SPATS1: variants seen among roughly 807,000 people sequenced by gnomAD.
SPATS1 encodes spermatogenesis associated serine rich 1.
A neutral mutation model predicts 33.6 loss-of-function variants in SPATS1; 23 were observed. That is an observed-to-expected ratio of 0.68 (90% confidence interval 0.49 to 0.97). SPATS1 has a LOEUF of 0.97. SPATS1 is among the 50% of genes least tolerant of loss of function. The pLI is 0.00. For missense variants in SPATS1, 327 were observed against 361.0 expected (o/e 0.91, Z 0.76); for synonymous variants, 131 against 125.6 (o/e 1.04, Z -0.29).
intron 7 of SPATS1, among the ~76,000 whole-genome samples, chr6:44,370,979 G>GTTTTTTTTTTTTTTTTTTTT (rs532344535): frequency 7.1e-6 from 1 of 141,692 alleles, no homozygotes; most frequent in Non-Finnish European, 1.5e-5. Flanking sequence ...AAAAAGAAAG[G>GTTTTTTTTTTTTTTTTTTTT]TTTTTTTTTT....
intron 5 of SPATS1, among the ~76,000 whole-genome samples, chr6:44,363,704 CTCCT>C (rs1053351903): frequency 8.0e-6 from 1 of 125,218 alleles, no homozygotes; most frequent in African/African-American, 3.0e-5. Context: ...CCTTCCTTCC[CTCCT>C]TCCTTCCTTT....
chr6:44,346,004 G>A (rs1787856112), intron 2 of SPATS1, among the ~76,000 whole-genome samples: 1 of 152,122 alleles, frequency 6.6e-6, no homozygotes, highest in South Asian at 2.1e-4. Context: ...TTATTTGGAT[G>A]GGGCCACGTA....
intron 5 of SPATS1, 115 bp from the exon 6 acceptor site, chr6:44,368,264 T>C: frequency 1.9e-6 from 2 of 1,049,950 alleles, no homozygotes; most frequent in Non-Finnish European, 1.3e-6. Flanking sequence ...AACTTCTATG[T>C]AATTTATAAT....
At chr6:44,368,584 G>T in intron 6 of SPATS1, 85 bp downstream of exon 6, 1 of 1,297,102 alleles carries the variant, frequency 7.7e-7, no homozygotes, top group East Asian at 2.4e-5. Context: ...ATTTTAAAAG[G>T]GATAGATGTC....
chr6:44,352,539 T>G (rs1286024397), intron 2 of SPATS1, among the ~76,000 whole-genome samples, 187 bp from the exon 3 acceptor site: 3 of 152,200 alleles, frequency 2.0e-5, no homozygotes, highest in African/African-American at 7.2e-5. Context: ...AAGGAATACC[T>G]AAGCCTGTGG....
intron 2 of SPATS1, among the ~76,000 whole-genome samples, chr6:44,349,309 A>C (rs34822651): frequency 1.3e-5 from 2 of 150,238 alleles, no homozygotes; most frequent in East Asian, 3.9e-4. Context: ...AAAAAAAAAA[A>C]AAAGAAAGAA....
intron 3 of SPATS1, 44 bp downstream of exon 3, chr6:44,352,917 C>A: frequency 6.3e-7 from 1 of 1,597,272 alleles, no homozygotes; most frequent in South Asian, 1.1e-5. Flanking sequence ...TGGGGAGATT[C>A]TGACCAAGAA....
At position 44,379,095 on chromosome 6, in the gene SPATS1, C is replaced by T. The variant is rs1471279491; in HGVS notation, c.*2032C>T. The T allele has an allele frequency of 6.6e-6, 1 of 152,024 alleles. No homozygotes were observed. The highest frequency in any genetic ancestry group is 6.6e-5 in the Admixed American group (1 of 15,266). The allele number at this position is 152,024 out of a possible 1,614,324, so 9.4% of individuals were successfully genotyped here. ...TTAAATGTAAAAAAGTCTTCTTTCCCCTAGTCAAAAACAATGCCCCACCCC... is the reference window on the plus strand; with the variant it reads ...TTAAATGTAAAAAAGTCTTCTTTCCTCTAGTCAAAAACAATGCCCCACCCC... On this transcript the variant is annotated 3_prime_UTR_variant, in exon 9 of 9. Transcript: ENST00000674044.
chr6:44,368,437 C>T lies in SPATS1; in HGVS notation c.633C>T (p.Tyr211=), dbSNP rs754144613. ...KLTPGDNPYM[Y]PEQSKGFHKA... is the part of the protein sequence containing the mutation. ...CTCCAGGCGACAATCCATATATGTA[C>T]CCAGAACAGAGTAAAGGCTTCCACA... Residue 211 remains tyrosine, a synonymous_variant, in exon 6 of 9, where the codon TAC becomes TAT. Coordinates refer to ENST00000674044, the MANE Select transcript of SPATS1 (RefSeq NM_001372081.1). 1.2e-6 allele frequency: 2 copies of T among 1,613,582 alleles called. No individual in the cohort carries two copies. Among genetic ancestry groups the T allele is most frequent in the South Asian group, 1.1e-5 (1 of 91,032 alleles).
chr6:44,345,815 A>G (rs1404368551), intron 2 of SPATS1, among the ~76,000 whole-genome samples: 2 of 152,192 alleles, frequency 1.3e-5, no homozygotes, highest in African/African-American at 4.8e-5. Flanking sequence ...TATTGAGTCA[A>G]ATGACATGCA....
Position 44,371,231 on chromosome 6 carries a change from C to T in SPATS1, c.758+1118C>T, listed in dbSNP as rs563261430. 4.0e-5 allele frequency among the ~76,000 whole-genome samples: 6 copies of T among 150,410 alleles called. No individual in the cohort carries two copies. The East Asian group carries it at 7.9e-4, about 20-fold the overall frequency. On this transcript the variant is annotated intron_variant, in intron 7 of 8. Transcript: ENST00000674044. Reference sequence around the variant, plus strand: ...GGAGGGTTTCTTGAGTCTATGAGTTCGAGGCTGCAGTGAGCTACGATTGTG... The same window carrying T: ...GGAGGGTTTCTTGAGTCTATGAGTTTGAGGCTGCAGTGAGCTACGATTGTG...
At chr6:44,365,499 A>G (rs1342395332) in intron 5 of SPATS1, among the ~76,000 whole-genome samples, 1 of 152,234 alleles carries the variant, frequency 6.6e-6, no homozygotes, top group African/African-American at 2.4e-5. Context: ...TCTCCAGGAC[A>G]GCTCCTTTCC....
At chr6:44,343,005 G>T in intron 1 of SPATS1, 91 bp from the exon 2 acceptor site, 1 of 1,532,562 alleles carries the variant, frequency 6.5e-7, no homozygotes. Context: ...GGTGGCTTGT[G>T]GAATTTGTTT....
chr6:44,353,920 C>CCAGCTATT (rs1379481948), intron 3 of SPATS1, among the ~76,000 whole-genome samples: 9 of 151,570 alleles, frequency 5.9e-5, no homozygotes, highest in South Asian at 2.1e-4. Flanking sequence ...GCCAGTAGTC[C>CCAGCTATT]CAGCTATTCG....
intron 3 of SPATS1, among the ~76,000 whole-genome samples, chr6:44,354,665 T>C (rs1315151472): frequency 6.6e-6 from 1 of 151,892 alleles, no homozygotes; most frequent in African/African-American, 2.4e-5. Flanking sequence ...TGCACCAGAG[T>C]GGGACATTTA....
chr6:44,362,311 T>C (rs1454481530), intron 5 of SPATS1, among the ~76,000 whole-genome samples: 1 of 152,266 alleles, frequency 6.6e-6, no homozygotes, highest in African/African-American at 2.4e-5. Flanking sequence ...AAAGAATTTA[T>C]GTTCCAATTA....
chr6:44,373,589 G>A (rs1041585111), intron 7 of SPATS1, among the ~76,000 whole-genome samples: 1 of 152,150 alleles, frequency 6.6e-6, no homozygotes, highest in Non-Finnish European at 1.5e-5. Context: ...TCTTTAAATA[G>A]TGTAGTAATT....
intron 3 of SPATS1, among the ~76,000 whole-genome samples, chr6:44,357,464 C>A (rs542325047): frequency 1.3e-5 from 2 of 152,272 alleles, no homozygotes; most frequent in South Asian, 2.1e-4. Flanking sequence ...CTCACTGGAA[C>A]CTTGGCCTCC....
chr6:44,354,467 T>C (rs1182051650), intron 3 of SPATS1, among the ~76,000 whole-genome samples: 2 of 152,180 alleles, frequency 1.3e-5, no homozygotes, highest in Non-Finnish European at 2.9e-5. Flanking sequence ...ACATAAAATA[T>C]ATATTTATTT....
Sources: gnomAD v4.1 joint callset for allele counts (sites outside exome capture counted in the v4.1 genomes callset) on GRCh38, gnomAD v4.1.1 for gene constraint, MANE v1.5 for transcripts, NCBI Gene and HGNC (gene_info 2026-07-23, HGNC 2026-07-21) for gene names.